Variants in RAB11FIP4 observed in about 807,000 individuals in gnomAD.
RAB11FIP4 encodes the protein rab11 family-interacting protein 4.
A neutral mutation model predicts 74.3 loss-of-function variants in RAB11FIP4; 23 were observed. The observed-to-expected ratio is 0.31, with a 90% CI of 0.22 to 0.44. The LOEUF (loss-of-function observed/expected upper bound fraction) is 0.44, where lower values mean the gene tolerates loss of function less well. RAB11FIP4 is among the 20% of genes least tolerant of loss of function. RAB11FIP4 has a pLI of 1.00. For synonymous variants in RAB11FIP4, 360 were observed against 359.9 expected (o/e 1.00, Z 0.00); for missense variants, 630 against 863.9 (o/e 0.73, Z 3.39).
At chr17:31,488,350 G>C in intron 3 of RAB11FIP4, 1 of 1,118,630 alleles carries the variant, frequency 8.9e-7, no homozygotes, top group African/African-American at 1.7e-5. Flanking sequence ...GCGGCCCCGG[G>C]AAGTTGGCGG....
intron 3 of RAB11FIP4, among the ~76,000 whole-genome samples, chr17:31,444,384 A>G (rs1013445590): frequency 1.3e-5 from 2 of 150,604 alleles, no homozygotes; most frequent in Non-Finnish European, 2.9e-5. Context: ...AAAAAAATCT[A>G]CTTATCCCAA....
At chr17:31,425,208 G>A (rs1223765186) in intron 1 of RAB11FIP4, among the ~76,000 whole-genome samples, 1 of 152,192 alleles carries the variant, frequency 6.6e-6, no homozygotes, top group Non-Finnish European at 1.5e-5. Context: ...AGGTGGTGGC[G>A]AGGATTAAAC....
intron 3 of RAB11FIP4, among the ~76,000 whole-genome samples, chr17:31,453,792 C>CAAAAAAAAAAAAAAA (rs555119408): frequency 1.6e-5 from 1 of 62,614 alleles, no homozygotes; most frequent in African/African-American, 5.3e-5. Context: ...AGACTCGTCT[C>CAAAAAAAAAAAAAAA]AAAAAAAAAA....
intron 3 of RAB11FIP4, among the ~76,000 whole-genome samples, chr17:31,485,457 G>T (rs182273452): frequency 1.1e-4 from 16 of 152,284 alleles, no homozygotes; most frequent in African/African-American, 3.9e-4. Flanking sequence ...AGAGAGTCAC[G>T]ACCAGAGAAG....
chr17:31,402,842 G>C (rs1020735986), intron 1 of RAB11FIP4, among the ~76,000 whole-genome samples: 2 of 151,734 alleles, frequency 1.3e-5, no homozygotes, highest in Non-Finnish European at 2.9e-5. Flanking sequence ...AGCCAGGATG[G>C]TCTCGATCTC....
intron 4 of RAB11FIP4, chr17:31,520,918 A>G (rs1210327183): frequency 3.4e-6 from 1 of 293,472 alleles, no homozygotes. Flanking sequence ...TAGCTAGACA[A>G]TTAGGTTGTA....
chr17:31,408,476 T>C (rs1265305578), intron 1 of RAB11FIP4, among the ~76,000 whole-genome samples: 1 of 152,212 alleles, frequency 6.6e-6, no homozygotes, highest in Non-Finnish European at 1.5e-5. Flanking sequence ...TTCCATTGAT[T>C]TTTTTCCTAG....
At chr17:31,447,004 G>A (rs1597922010) in intron 3 of RAB11FIP4, among the ~76,000 whole-genome samples, 3 of 152,084 alleles carry the variant, frequency 2.0e-5, no homozygotes, top group East Asian at 4.0e-4. Flanking sequence ...AAAAAAGACA[G>A]GCGGGTGCCG....
At chr17:31,445,414 G>T (rs2142692342) in intron 3 of RAB11FIP4, among the ~76,000 whole-genome samples, 1 of 150,980 alleles carries the variant, frequency 6.6e-6, no homozygotes, top group Non-Finnish European at 1.5e-5. Flanking sequence ...TAAATACTTG[G>T]CCATTCCTAA....
intron 1 of RAB11FIP4, among the ~76,000 whole-genome samples, chr17:31,402,172 C>G (rs1169782302): frequency 2.1e-5 from 3 of 145,610 alleles, no homozygotes; most frequent in Non-Finnish European, 3.0e-5. Context: ...ACTTCCGTAG[C>G]CTCCCCATCT....
chr17:31,482,400 G>A (rs2071858501), intron 3 of RAB11FIP4, among the ~76,000 whole-genome samples: 1 of 152,036 alleles, frequency 6.6e-6, no homozygotes, highest in Non-Finnish European at 1.5e-5. Context: ...GACTAGCCTG[G>A]CCAACATAGC....
chr17:31,404,093 T>C (rs1185224226), intron 1 of RAB11FIP4, among the ~76,000 whole-genome samples: 2 of 152,212 alleles, frequency 1.3e-5, no homozygotes, highest in African/African-American at 4.8e-5. Flanking sequence ...AGGTGCGCAT[T>C]TCTCTGACTG....
At chr17:31,518,742 AAAC>A (rs2072607471) in intron 4 of RAB11FIP4, 1 of 152,410 alleles carries the variant, frequency 6.6e-6, no homozygotes, top group Non-Finnish European at 1.5e-5. Flanking sequence ...AAAAACCAAA[AAAC>A]AACACACAGA....
chr17:31,474,846 AAAAC>A (rs2071774325), intron 3 of RAB11FIP4, among the ~76,000 whole-genome samples: 1 of 42,770 alleles, frequency 2.3e-5, no homozygotes, highest in Non-Finnish European at 4.3e-5. Flanking sequence ...ACTGTCTCAA[AAAAC>A]AAAACAAAAC....
chr17:31,528,556 C>G lies in RAB11FIP4; in HGVS notation c.1494+13C>G. 6.2e-7 allele frequency: 1 copy of G among 1,613,612 alleles called. No homozygotes were observed. Among genetic ancestry groups the G allele is most frequent in the Non-Finnish European group, 8.5e-7 (1 of 1,179,902 alleles). On this transcript the variant is annotated intron_variant, in intron 12 of 14. Coordinates refer to ENST00000621161, the MANE Select transcript of RAB11FIP4 (RefSeq NM_032932.6). ...GGCGACGCAGGAGGTAGGTCCCAGG[C>G]CAGCAGGCACCAGGGCTCCTTCCAG...
At chr17:31,439,027 AC>A (rs1308130115) in intron 3 of RAB11FIP4, among the ~76,000 whole-genome samples, 1 of 152,156 alleles carries the variant, frequency 6.6e-6, no homozygotes. Context: ...AAGGAGAAGG[AC>A]CTGCACTGAG....
intron 1 of RAB11FIP4, among the ~76,000 whole-genome samples, chr17:31,401,665 T>A (rs1462197223): frequency 6.6e-6 from 1 of 152,210 alleles, no homozygotes; most frequent in East Asian, 1.9e-4. Context: ...TGATGACACA[T>A]GGGCCTGCAG....
chr17:31,524,915 A>C (rs1385339856), intron 9 of RAB11FIP4, 175 bp from the exon 10 acceptor site: 3 of 745,146 alleles, frequency 4.0e-6, no homozygotes, highest in Non-Finnish European at 6.6e-6. Context: ...TGTGACCGAC[A>C]CCCCCTCTAT....
intron 3 of RAB11FIP4, among the ~76,000 whole-genome samples, chr17:31,517,202 G>GT: frequency 9.6e-6 from 1 of 103,634 alleles, no homozygotes; most frequent in African/African-American, 3.6e-5. Context: ...GGGGGGGGGG[G>GT]CGGTGGGGGG....
Sources: allele counts gnomAD v4.1 joint callset (sites outside exome capture counted in the v4.1 genomes callset), GRCh38; gene constraint gnomAD v4.1.1; transcripts MANE v1.5; gene names NCBI Gene and HGNC (gene_info 2026-07-23, HGNC 2026-07-21).